The following JADE1 variants were observed in gnomAD, a reference collection of about 807,000 sequenced individuals.
The protein encoded by JADE1 is jade family PHD finger 1.
A neutral mutation model predicts 81.8 loss-of-function variants in JADE1; 14 were observed. The ratio of observed to expected loss-of-function variants is 0.17; its 90% CI spans 0.11 to 0.27. The LOEUF is 0.27. Ranked by LOEUF, JADE1 falls within the 10% of genes least tolerant of loss-of-function variation. JADE1 has a pLI of 1.00. For missense variants in JADE1, 690 were observed against 1,047.9 expected, an observed-to-expected ratio of 0.66 and a Z score of 4.71; for synonymous variants, 353 against 391.9, an observed-to-expected ratio of 0.90 and a Z score of 1.17.
In JADE1 at chr4:128,816,460, A is replaced by G. The variant is rs1296028642; in HGVS notation, c.-27+6583A>G. 5 of 152,210 alleles carry G rather than the reference A, an allele frequency of 3.3e-5. No individual in the cohort carries two copies. In the East Asian group the frequency reaches 7.7e-4, roughly 23 times the overall value. The allele number at this position is 152,210 out of a possible 1,614,324, so 9.4% of individuals were successfully genotyped here. On this transcript the variant is annotated intron_variant, in intron 1 of 10. Coordinates refer to ENST00000226319, the MANE Select transcript of JADE1 (RefSeq NM_199320.4). The stretch of plus-strand genomic sequence containing the variant: ...TTTTTAATTACACATAGAAGTGACA[A>G]TTTGTAAGTTTAAGGTTGGGTGTCA...
intron 6 of JADE1, among the ~76,000 whole-genome samples, chr4:128,855,222 C>T (rs1469898092): frequency 6.6e-6 from 1 of 152,230 alleles, no homozygotes; most frequent in Non-Finnish European, 1.5e-5. Context: ...GAAATAGCTT[C>T]TCTCACGGAA....
intron 2 of JADE1, among the ~76,000 whole-genome samples, chr4:128,834,271 C>T (rs1728790427): frequency 6.6e-6 from 1 of 152,268 alleles, no homozygotes; most frequent in South Asian, 2.1e-4. Context: ...CTTCTGAGGC[C>T]TCTCGTGGTT....
At chr4:128,837,533 T>C (rs1432830849) in intron 2 of JADE1, among the ~76,000 whole-genome samples, 1 of 152,184 alleles carries the variant, frequency 6.6e-6, no homozygotes, top group Non-Finnish European at 1.5e-5. Context: ...TAAATGACAG[T>C]TATATCAGAT....
intron 2 of JADE1, 44 bp downstream of exon 2, chr4:128,831,854 T>G: frequency 1.9e-6 from 3 of 1,560,244 alleles, no homozygotes; most frequent in Non-Finnish European, 2.7e-6. Flanking sequence ...AGGGTTTGGG[T>G]CGGGGTAAAA....
intron 2 of JADE1, among the ~76,000 whole-genome samples, chr4:128,834,208 G>T (rs1728785779): frequency 6.6e-6 from 1 of 152,142 alleles, no homozygotes. Flanking sequence ...ACAGAAATTT[G>T]TTTTCTCACA....
chr4:128,839,491 T>G (rs189368935), intron 2 of JADE1, among the ~76,000 whole-genome samples: 2 of 152,232 alleles, frequency 1.3e-5, no homozygotes, highest in African/African-American at 4.8e-5. Context: ...ATATTTAAAT[T>G]GTGTACTTTG....
chr4:128,861,653 A>G (rs995093156), intron 8 of JADE1, 51 bp from the exon 9 acceptor site: 1 of 1,579,590 alleles, frequency 6.3e-7, no homozygotes, highest in Non-Finnish European at 8.6e-7. Flanking sequence ...GCCTTCTGCC[A>G]TCATTGCTCT....
rs1305532388 is a variant in JADE1 at position 128,862,043 on chromosome 4, C to G, written c.1321C>G (p.Arg441Gly). Reference protein sequence around the residue: ...VNLLDVARALRLPEEVVDFLY... With the variant: ...VNLLDVARALGLPEEVVDFLY... ...CCTGCTGGATGTTGCCAGGGCTCTGCGGCTGCCTGAGGAAGTAGTGGATTT... is the reference window on the plus strand; with the variant it reads ...CCTGCTGGATGTTGCCAGGGCTCTGGGGCTGCCTGAGGAAGTAGTGGATTT... Residue 441 changes from arginine to glycine, a missense_variant, in exon 9 of 11, where the codon CGG becomes GGG. By Grantham distance (125) the Arg-to-Gly change is moderately radical. Coordinates refer to ENST00000226319, the MANE Select transcript of JADE1 (RefSeq NM_199320.4). 1 of 1,614,138 alleles carries G rather than the reference C, an allele frequency of 6.2e-7. No homozygotes were observed. Among genetic ancestry groups the G allele is most frequent in the East Asian group, 2.2e-5 (1 of 44,890 alleles).
chr4:128,812,764 A>T (rs1271571026), intron 1 of JADE1, among the ~76,000 whole-genome samples: 1 of 152,254 alleles, frequency 6.6e-6, no homozygotes, highest in African/African-American at 2.4e-5. Context: ...GCCTTCTAGT[A>T]ACGAGAGGGC....
At chr4:128,861,051 C>T (rs944826440) in intron 8 of JADE1, among the ~76,000 whole-genome samples, 7 of 152,192 alleles carry the variant, frequency 4.6e-5, no homozygotes, top group Non-Finnish European at 7.3e-5. Flanking sequence ...TTTTCTCACT[C>T]GTGTTGGGAC....
chr4:128,846,236 T>C lies in JADE1; in HGVS notation c.139-139T>C. The C allele has an allele frequency of 1.2e-6, 1 of 850,462 alleles. No individual in the cohort carries two copies. The highest frequency in any genetic ancestry group is 2.4e-5 in the East Asian group (1 of 40,886). The allele number at this position is 850,462 out of a possible 1,614,324, so 52.7% of individuals were successfully genotyped here. On this transcript the variant is annotated intron_variant, in intron 3 of 10. Transcript: ENST00000226319. This position sits in a 1 kb window ranked among gnomAD's most constrained non-coding sequence, Gnocchi z 4.0. The stretch of plus-strand genomic sequence containing the variant: ...GTAAAAGGCGTGTCAGGCAAAGTTT[T>C]TCTGTAATAGGTCAGGCTTGTTCTA...
chr4:128,826,246 C>T (rs578236117), intron 1 of JADE1, among the ~76,000 whole-genome samples: 38 of 152,314 alleles, frequency 2.5e-4, no homozygotes, highest in African/African-American at 8.7e-4. Context: ...TCTATTGTAG[C>T]CACGCTGAGA....
intron 2 of JADE1, among the ~76,000 whole-genome samples, chr4:128,836,585 C>G (rs1413908391): frequency 1.3e-5 from 2 of 152,042 alleles, no homozygotes; most frequent in Non-Finnish European, 2.9e-5. Flanking sequence ...CCGTGTTGTT[C>G]AAGAGGCAAC....
In JADE1 at chr4:128,872,451, C is replaced by G. The variant is rs535406916; in HGVS notation, c.*189C>G. On this transcript the variant is annotated 3_prime_UTR_variant, in exon 11 of 11. Transcript: ENST00000226319. ...TGTGAGAAGTTTGTGTTATTTGCAA[C>G]TTGTTGAGGAAACAGAAGAGTAGAT... The G allele has an allele frequency of 7.5e-5, 44 of 585,018 alleles. No individual in the cohort carries two copies. The African/African-American group carries it at 7.6e-4, about 10-fold the overall frequency. 36.2% of individuals were successfully genotyped at this position (585,018 alleles called of 1,614,324 possible).
rs2125849600 is a variant in JADE1, at chr4:128,843,035, A to G, written c.135A>G (p.Ser45=). 1 of 1,613,462 alleles carries G rather than the reference A, an allele frequency of 6.2e-7. No individual in the cohort carries two copies. The highest frequency in any genetic ancestry group is 8.5e-7 in the Non-Finnish European group (1 of 1,179,468). The change falls in exon 3 of 11, where the codon TCA becomes TCG. Residue 45 remains serine (S), a synonymous_variant. Transcript: ENST00000226319. The part of the protein sequence containing the change: ...SCSRHEDRKP[S]EVFRTDLITA... ...CCAGACATGAAGATCGAAAGCCTTC[A>G]GAGGTACTTCTTGAATGCTTGCCTG... is the stretch of plus-strand genomic sequence containing the variant.
chr4:128,853,687 G>T (rs1208927023), intron 6 of JADE1, among the ~76,000 whole-genome samples: 1 of 152,206 alleles, frequency 6.6e-6, no homozygotes, highest in Admixed American at 6.5e-5. Context: ...TGTTGATGCT[G>T]AGATTTAAAG....
At chr4:128,867,566 T>TGTGCCGGTTAGGTGTGCCGGGATGGGTTA (rs1731872923) in intron 9 of JADE1, among the ~76,000 whole-genome samples, 1 of 152,224 alleles carries the variant, frequency 6.6e-6, no homozygotes, top group Non-Finnish European at 1.5e-5. Context: ...TTAGGTGTGA[T>TGTGCCGGTTAGGTGTGCCGGGATGGGTTA]GGAGGAGGCA....
intron 2 of JADE1, among the ~76,000 whole-genome samples, chr4:128,839,910 C>T (rs184842968): frequency 6.6e-6 from 1 of 152,280 alleles, no homozygotes; most frequent in East Asian, 1.9e-4. Flanking sequence ...AATTTAGTTT[C>T]TTTACCAGTC....
At chr4:128,859,217 TGTGA>T (rs1207889911) in intron 8 of JADE1, among the ~76,000 whole-genome samples, 4 of 152,008 alleles carry the variant, frequency 2.6e-5, no homozygotes, top group East Asian at 1.9e-4. Context: ...TGGGTGTGTG[TGTGA>T]GTATGCGTAT....
Sources: allele counts gnomAD v4.1 joint callset (sites outside exome capture counted in the v4.1 genomes callset), GRCh38; gene constraint gnomAD v4.1.1; non-coding constraint Gnocchi (gnomAD v3.1); transcripts MANE v1.5; gene names NCBI Gene and HGNC (gene_info 2026-07-23, HGNC 2026-07-21).